MYLK3: variants seen among roughly 807,000 people sequenced by gnomAD.
MYLK3 encodes myosin light chain kinase 3.
Under a neutral mutation model 76.3 loss-of-function variants are expected in MYLK3, and 55 were observed. The observed-to-expected ratio is 0.72, with a 90% CI of 0.58 to 0.90. The LOEUF is 0.90. Among genes scored for constraint, MYLK3 ranks in the 40% least tolerant of loss-of-function variants. The pLI is 0.00. For missense variants in MYLK3, 973 were observed against 1,053.6 expected (o/e 0.92, Z 1.06); for synonymous variants, 416 against 425.4 (o/e 0.98, Z 0.27).
intron 1 of MYLK3, among the ~76,000 whole-genome samples, chr16:46,756,808 A>G: frequency 6.6e-6 from 1 of 152,190 alleles, no homozygotes; most frequent in East Asian, 1.9e-4. Context: ...TTGGACATTA[A>G]CGTAAGCAAA....
intron 1 of MYLK3, among the ~76,000 whole-genome samples, chr16:46,753,682 G>T (rs72818807): frequency 0.072 from 10,978 of 152,270 alleles, 543 homozygotes; most frequent in Non-Finnish European, 0.11. Flanking sequence ...AGGCCAGGGT[G>T]GGGGGCTCGA....
intron 7 of MYLK3, 38 bp from the exon 8 acceptor site, chr16:46,727,415 C>A: frequency 1.3e-6 from 2 of 1,579,656 alleles, no homozygotes; most frequent in South Asian, 1.2e-5. Context: ...CCAGCCTAAG[C>A]AAGGCTCTTC....
upstream of MYLK3, among the ~76,000 whole-genome samples, chr16:46,752,106 C>T (rs1200405727): frequency 6.6e-6 from 1 of 152,160 alleles, no homozygotes; most frequent in Non-Finnish European, 1.5e-5. Context: ...CGGAAAAAGA[C>T]AGGCTGACCT....
intron 9 of MYLK3, among the ~76,000 whole-genome samples, chr16:46,713,496 C>T (rs1269294866): frequency 6.6e-6 from 1 of 152,146 alleles, no homozygotes; most frequent in Non-Finnish European, 1.5e-5. Flanking sequence ...CTACACCCAG[C>T]CGGTATATAT....
intron 1 of MYLK3, among the ~76,000 whole-genome samples, chr16:46,744,826 C>A (rs1966995974): frequency 6.6e-6 from 1 of 151,982 alleles, no homozygotes; most frequent in African/African-American, 2.4e-5. Context: ...GTAGTAAGAC[C>A]CTGTCTCTAA....
intron 9 of MYLK3, among the ~76,000 whole-genome samples, chr16:46,719,519 A>G (rs1048406636): frequency 6.6e-6 from 1 of 152,004 alleles, no homozygotes; most frequent in Non-Finnish European, 1.5e-5. Flanking sequence ...AACCCACACC[A>G]CTGGGCATGC....
At chr16:46,726,723 A>AAGAAAAGAAAGAGAGAG (rs1966842829) in intron 8 of MYLK3, 2 of 148,458 alleles carry the variant, frequency 1.3e-5, no homozygotes, top group Non-Finnish European at 3.0e-5. Context: ...GAAAGAAAGA[A>AAGAAAAGAAAGAGAGAG]AGAAAGAAAG....
intron 9 of MYLK3, among the ~76,000 whole-genome samples, chr16:46,715,233 C>T (rs1434315535): frequency 6.6e-6 from 1 of 152,166 alleles, no homozygotes; most frequent in Admixed American, 6.6e-5. Context: ...AACTGGATTA[C>T]AAAACTCCTT....
chr16:46,707,732 C>T lies in MYLK3; in HGVS notation c.2432G>A (p.Arg811Lys). 1 of 1,613,152 alleles carries T rather than the reference C, an allele frequency of 6.2e-7. No homozygotes were observed. The change falls in exon 13 of 13, where the codon AGG (arginine) becomes AAG (lysine). Residue 811 changes from arginine (R) to lysine (K), a missense_variant. Around this residue, in one of 2 missense-constraint regions of MYLK3, gnomAD observed 332 missense variants for 416.6 expected, o/e 0.80. Coordinates refer to ENST00000394809, the MANE Select transcript of MYLK3 (RefSeq NM_182493.3). The part of the protein sequence containing the change: ...KHFYVVTAAN[R>K]LRKFPTSP ...GGGAGAAGTTGGAAATTTCCTTAAC[C>T]TGTTGGCAGCAGTCACCACATAGAA... is the stretch of plus-strand genomic sequence containing the variant.
chr16:46,710,091 C>A (rs538840629), intron 11 of MYLK3, among the ~76,000 whole-genome samples: 1 of 152,310 alleles, frequency 6.6e-6, no homozygotes, highest in Admixed American at 6.5e-5. Flanking sequence ...TCTCACATAA[C>A]TTTTCACAGT....
intron 1 of MYLK3, among the ~76,000 whole-genome samples, chr16:46,741,031 T>C (rs1966923100): frequency 6.6e-6 from 1 of 152,216 alleles, no homozygotes; most frequent in Admixed American, 6.5e-5. Flanking sequence ...CTTTACAGTG[T>C]AGCAGTGTAG....
intron 8 of MYLK3, among the ~76,000 whole-genome samples, chr16:46,723,413 G>T (rs1173445082): frequency 6.6e-6 from 1 of 152,076 alleles, no homozygotes; most frequent in East Asian, 1.9e-4. Context: ...TATCTGGGTT[G>T]TTTACACTTT....
At position 46,748,121 on chromosome 16, in the gene MYLK3, T is replaced by C. The variant is rs754220621; in HGVS notation, c.73A>G (p.Met25Val). ...PGLGKTCLTT[M>V]DTKLNMLNEK... is the part of the protein sequence containing the mutation. ...TTCAGCATGTTCAGCTTTGTGTCCA[T>C]GGTTGTTAAGCAGGTCTTGCCCAAC... Residue 25 changes from methionine (M) to valine (V), a missense_variant, in exon 1 of 13, where the codon ATG (methionine) becomes GTG (valine). Physicochemically the swap from Met to Val is conservative, Grantham distance 21. This residue lies in a region of MYLK3 where 641 missense variants were observed against 637.0 expected (regional missense o/e 1.01). Coordinates refer to ENST00000394809, the MANE Select transcript of MYLK3 (RefSeq NM_182493.3). This position sits in a 1 kb window ranked among gnomAD's most constrained non-coding sequence, Gnocchi z 4.3. 1.2e-6 allele frequency: 2 copies of C among 1,614,108 alleles called. No individual in the cohort carries two copies. Among genetic ancestry groups the C allele is most frequent in the Non-Finnish European group, 1.7e-6 (2 of 1,180,032 alleles).
chr16:46,757,995 T>C (rs907322926), intron 1 of MYLK3, among the ~76,000 whole-genome samples: 2 of 152,132 alleles, frequency 1.3e-5, no homozygotes, highest in Non-Finnish European at 2.9e-5. Context: ...GTGGGGCTGC[T>C]TGTACCCTGG....
chr16:46,754,602 C>A (rs1350125599), intron 1 of MYLK3, among the ~76,000 whole-genome samples: 1 of 152,210 alleles, frequency 6.6e-6, no homozygotes, highest in Non-Finnish European at 1.5e-5. Context: ...AGGTCCTCAC[C>A]AGATGCAGCC....
upstream of MYLK3, among the ~76,000 whole-genome samples, chr16:46,750,522 C>T (rs539372435): frequency 1.4e-4 from 22 of 152,240 alleles, no homozygotes; most frequent in South Asian, 4.6e-3. Context: ...GGTGAAACAC[C>T]GTCTCTACTG....
chr16:46,748,539 G>T (rs1340301812), upstream of MYLK3, among the ~76,000 whole-genome samples: 1 of 152,190 alleles, frequency 6.6e-6, no homozygotes, highest in Non-Finnish European at 1.5e-5. The surrounding 1 kb of genome is among the most constrained non-coding windows in gnomAD (Gnocchi z 4.3). Flanking sequence ...CCCAGAGCCA[G>T]CAGGGTTCAT....
chr16:46,745,702 C>T (rs1404314439), intron 1 of MYLK3, among the ~76,000 whole-genome samples: 1 of 152,104 alleles, frequency 6.6e-6, no homozygotes, highest in Non-Finnish European at 1.5e-5. Context: ...GTCGAGATCG[C>T]GCCATTGAAC....
At chr16:46,723,555 T>G in intron 8 of MYLK3, among the ~76,000 whole-genome samples, 1 of 152,220 alleles carries the variant, frequency 6.6e-6, no homozygotes, top group East Asian at 1.9e-4. Context: ...TTTAGCATTT[T>G]TAGGAACTGC....
Sources: allele counts gnomAD v4.1 joint callset (sites outside exome capture counted in the v4.1 genomes callset), GRCh38; gene constraint gnomAD v4.1.1; regional missense constraint gnomAD v4.1.1; non-coding constraint Gnocchi (gnomAD v3.1); transcripts MANE v1.5; gene names NCBI Gene and HGNC (gene_info 2026-07-23, HGNC 2026-07-21).